The following ITGBL1 variants were observed in gnomAD, a reference collection of about 807,000 sequenced individuals.
The protein encoded by ITGBL1 is integrin beta-like protein 1.
A neutral mutation model predicts 68.5 loss-of-function variants in ITGBL1; 51 were observed. The observed-to-expected ratio is 0.74, with a 90% CI of 0.59 to 0.94. The LOEUF is 0.94. Among genes scored for constraint, ITGBL1 ranks in the 40% least tolerant of loss-of-function variants. ITGBL1 has a pLI of 0.00. For synonymous variants in ITGBL1, 209 were observed against 227.3 expected, an observed-to-expected ratio of 0.92 and a Z score of 0.72; for missense variants, 649 against 647.4, an observed-to-expected ratio of 1.00 and a Z score of -0.03.
At chr13:101,563,895 A>C (rs1457467571) in intron 2 of ITGBL1, among the ~76,000 whole-genome samples, 2 of 151,904 alleles carry the variant, frequency 1.3e-5, no homozygotes, top group Non-Finnish European at 2.9e-5. Flanking sequence ...CCAAATCTTT[A>C]ATAGAATATT....
chr13:101,532,650 A>C (rs1217024450), intron 2 of ITGBL1, among the ~76,000 whole-genome samples: 1 of 152,234 alleles, frequency 6.6e-6, no homozygotes, highest in Non-Finnish European at 1.5e-5. Context: ...TTATCAAATG[A>C]AACTGTACAT....
rs750974072 is a variant in ITGBL1, at chr13:101,583,309, G to C, written c.821G>C (p.Arg274Thr). 6.2e-7 allele frequency: 1 copy of C among 1,612,652 alleles called. No individual in the cohort carries two copies. The highest frequency in any genetic ancestry group is 8.5e-7 in the Non-Finnish European group (1 of 1,179,492). Residue 274 changes from arginine (R) to threonine (T), a missense_variant, in exon 6 of 11, where the codon AGG becomes ACG. Coordinates refer to ENST00000376180, the MANE Select transcript of ITGBL1 (RefSeq NM_004791.3). ...GGGGACACCTGTGAATGTGATGAGA[G>C]GGACTGTAGAGCTGTCTATGACCGA... is the stretch of plus-strand genomic sequence containing the variant. ...IHGDTCECDE[R>T]DCRAVYDRYS...
chr13:101,595,287 C>A (rs2029896172), intron 6 of ITGBL1, among the ~76,000 whole-genome samples: 1 of 151,830 alleles, frequency 6.6e-6, no homozygotes, highest in Non-Finnish European at 1.5e-5. Flanking sequence ...GGAGGAGGCG[C>A]CACACTCTTT....
At chr13:101,491,252 G>T (rs947609212) in intron 2 of ITGBL1, among the ~76,000 whole-genome samples, 1 of 152,120 alleles carries the variant, frequency 6.6e-6, no homozygotes, top group Admixed American at 6.6e-5. Flanking sequence ...GATAGGGTTT[G>T]TCAGGGCCCA....
Position 101,567,604 on chromosome 13 carries a change from G to T in ITGBL1, c.317-95G>T, listed in dbSNP as rs2050202273. ...ATGAGTTTCAATTTATTATAGCTCA[G>T]TCCCAAATCAATGTCACTGTTAAGA... On this transcript the variant is annotated intron_variant, in intron 2 of 10. Coordinates refer to ENST00000376180, the MANE Select transcript of ITGBL1 (RefSeq NM_004791.3). 3.4e-6 allele frequency: 4 copies of T among 1,175,316 alleles called. No individual in the cohort carries two copies. The Admixed American group carries it at 9.2e-5, about 27-fold the overall frequency. The allele number at this position is 1,175,316 out of a possible 1,614,324, so 72.8% of individuals were successfully genotyped here.
chr13:101,499,264 C>G (rs868420568), intron 2 of ITGBL1, among the ~76,000 whole-genome samples: 2 of 152,188 alleles, frequency 1.3e-5, no homozygotes. Context: ...TTATGCTTTA[C>G]AAACTTTATC....
chr13:101,600,880 G>T lies in ITGBL1; in HGVS notation c.1015+2581G>T, dbSNP rs2030330122. Among the ~76,000 whole-genome samples the T allele has an allele frequency of 2.0e-5, 3 of 152,304 alleles. No individual in the cohort carries two copies. In the South Asian group the frequency reaches 6.2e-4, roughly 32 times the overall value. On this transcript the variant is annotated intron_variant, in intron 7 of 10. Transcript: ENST00000376180. ...GATTTTTGCATTGATGTTCATCAGG[G>T]ATATTGGTCTAAAATTCTCTTTTTT...
At chr13:101,658,941 C>T (rs1192007180) in intron 7 of ITGBL1, among the ~76,000 whole-genome samples, 3 of 151,068 alleles carry the variant, frequency 2.0e-5, no homozygotes, top group Admixed American at 6.6e-5. Context: ...CCATGGTGTA[C>T]ATTTTAGATA....
intron 2 of ITGBL1, among the ~76,000 whole-genome samples, chr13:101,474,522 C>G (rs1212148348): frequency 3.9e-4 from 59 of 152,282 alleles, no homozygotes; most frequent in African/African-American, 1.3e-3. Flanking sequence ...GGAACACAAT[C>G]CTGGCTCAGT....
intron 7 of ITGBL1, among the ~76,000 whole-genome samples, chr13:101,637,075 T>C (rs578242220): frequency 2.6e-4 from 39 of 152,176 alleles, no homozygotes; most frequent in Non-Finnish European, 4.7e-4. Flanking sequence ...AAAGTGTTCA[T>C]GTGCGTATCA....
intron 7 of ITGBL1, among the ~76,000 whole-genome samples, chr13:101,601,304 A>C (rs1028153930): frequency 1.3e-4 from 19 of 151,606 alleles, no homozygotes; most frequent in African/African-American, 3.1e-4. Context: ...TTTTTTATTG[A>C]GTCTATTTGA....
intron 7 of ITGBL1, among the ~76,000 whole-genome samples, chr13:101,633,155 G>T (rs2032043990): frequency 6.6e-6 from 1 of 152,176 alleles, no homozygotes; most frequent in Non-Finnish European, 1.5e-5. Context: ...ATCAGAGCGT[G>T]GTGAAGCCTG....
At chr13:101,654,553 G>A (rs1276833098) in intron 7 of ITGBL1, among the ~76,000 whole-genome samples, 2 of 152,184 alleles carry the variant, frequency 1.3e-5, no homozygotes, top group South Asian at 2.1e-4. Flanking sequence ...CTGAGTTACT[G>A]TCTGAAGAGT....
chr13:101,463,078 G>A (rs2048338828), intron 2 of ITGBL1, among the ~76,000 whole-genome samples: 1 of 152,066 alleles, frequency 6.6e-6, no homozygotes, highest in African/African-American at 2.4e-5. Flanking sequence ...AGACCAAATA[G>A]GGATAATGAC....
chr13:101,703,183 A>T (rs1184476889), intron 8 of ITGBL1, among the ~76,000 whole-genome samples: 3 of 152,172 alleles, frequency 2.0e-5, no homozygotes, highest in Non-Finnish European at 4.4e-5. Flanking sequence ...GTAAAAAAAA[A>T]AAAATAAGGT....
At chr13:101,510,387 T>C (rs1268218516) in intron 2 of ITGBL1, among the ~76,000 whole-genome samples, 1 of 152,116 alleles carries the variant, frequency 6.6e-6, no homozygotes, top group Non-Finnish European at 1.5e-5. Context: ...ATATGTACCA[T>C]ATTTTCTTGA....
In ITGBL1 at chr13:101,455,966, C is replaced by T. The variant is rs888165723; in HGVS notation, c.316+1866C>T. On this transcript the variant is annotated intron_variant, in intron 2 of 10. Coordinates refer to ENST00000376180, the MANE Select transcript of ITGBL1 (RefSeq NM_004791.3). ...TGAAAGTTGTGAGTGTCGTCAGATT[C>T]ACTTTCCCTGTTGAAGAACCTAGGC... is the stretch of plus-strand genomic sequence containing the variant. Among the ~76,000 whole-genome samples the T allele has an allele frequency of 3.3e-5, 5 of 152,136 alleles. No individual in the cohort carries two copies. In the East Asian group the frequency reaches 7.7e-4, roughly 24 times the overall value.
intron 8 of ITGBL1, among the ~76,000 whole-genome samples, chr13:101,697,453 A>G (rs941628662): frequency 6.6e-6 from 1 of 152,170 alleles, no homozygotes; most frequent in African/African-American, 2.4e-5. Context: ...CAGTTGCTTT[A>G]ATGTACATGG....
chr13:101,618,994 C>T (rs1221953326), intron 7 of ITGBL1, among the ~76,000 whole-genome samples: 3 of 151,954 alleles, frequency 2.0e-5, no homozygotes, highest in African/African-American at 4.8e-5. Context: ...ATTGGGGCAA[C>T]GAGATGTGAG....
Sources: allele counts gnomAD v4.1 joint callset (sites outside exome capture counted in the v4.1 genomes callset), GRCh38; gene constraint gnomAD v4.1.1; transcripts MANE v1.5; gene names NCBI Gene and HGNC (gene_info 2026-07-23, HGNC 2026-07-21).